NAALADL2: variants seen among roughly 807,000 people sequenced by gnomAD.
The protein encoded by NAALADL2 is N-acetylated alpha-linked acidic dipeptidase like 2, also known as inactive N-acetylated-alpha-linked acidic dipeptidase-like protein 2.
NAALADL2 carries 76 observed loss-of-function variants against 87.2 expected under a neutral mutation model. The observed-to-expected ratio is 0.87, with a 90% CI of 0.72 to 1.05. NAALADL2 has a LOEUF of 1.05. Ranked by LOEUF, NAALADL2 falls within the 50% of genes least tolerant of loss-of-function variation. NAALADL2 has a pLI of 0.00. For missense variants in NAALADL2, 1,089 were observed against 945.8 expected (o/e 1.15, Z -1.99); for synonymous variants, 354 against 331.0 (o/e 1.07, Z -0.75).
chr3:174,702,289 A>T (rs1729628444), intron 2 of NAALADL2, among the ~76,000 whole-genome samples: 1 of 152,156 alleles, frequency 6.6e-6, no homozygotes, highest in Non-Finnish European at 1.5e-5. Flanking sequence ...TTAGTATCAG[A>T]TATTACAATA....
intron 2 of NAALADL2, among the ~76,000 whole-genome samples, chr3:174,659,037 T>C (rs1725252462): frequency 6.6e-6 from 1 of 152,192 alleles, no homozygotes; most frequent in African/African-American, 2.4e-5. Context: ...CAGTTATTTG[T>C]GTAGCTTTCT....
At chr3:174,827,787 G>T (rs1722167753) in intron 3 of NAALADL2, among the ~76,000 whole-genome samples, 1 of 152,108 alleles carries the variant, frequency 6.6e-6, no homozygotes, top group Non-Finnish European at 1.5e-5. Context: ...CATGAACAAA[G>T]ACCCTACCTT....
chr3:175,513,583 G>A (rs1406614658), intron 9 of NAALADL2, among the ~76,000 whole-genome samples: 2 of 152,102 alleles, frequency 1.3e-5, no homozygotes, highest in Non-Finnish European at 2.9e-5. Flanking sequence ...AGTAATTGAT[G>A]AATATATGTA....
In NAALADL2 at chr3:175,217,546, G is replaced by A. The variant is rs77336267; in HGVS notation, c.546-16385G>A. On this transcript the variant is annotated intron_variant, in intron 2 of 13. Coordinates refer to ENST00000454872, the MANE Select transcript of NAALADL2 (RefSeq NM_207015.3). ...ATAGTCTGCCGGGCATCCACGAGAA[G>A]TAATACTAAAGGTGGCAATTACCAG... 3.1e-3 allele frequency among the ~76,000 whole-genome samples: 471 copies of A among 152,284 alleles called. 4 individuals carry two copies. Among genetic ancestry groups the A allele is most frequent in the African/African-American group, 0.01 (417 of 41,558 alleles).
intron 5 of NAALADL2, among the ~76,000 whole-genome samples, chr3:175,384,557 G>C (rs552516941): frequency 6.6e-6 from 1 of 151,730 alleles, no homozygotes; most frequent in East Asian, 1.9e-4. Context: ...TACACTTTAG[G>C]CTTATATTTT....
intron 5 of NAALADL2, among the ~76,000 whole-genome samples, chr3:175,364,884 A>G (rs1765389109): frequency 6.8e-6 from 1 of 147,768 alleles, no homozygotes; most frequent in South Asian, 2.2e-4. Flanking sequence ...TTGGAAGAAG[A>G]GTCAAACTGA....
chr3:174,934,838 T>C (rs995821912), intron 1 of NAALADL2, among the ~76,000 whole-genome samples: 1 of 152,004 alleles, frequency 6.6e-6, no homozygotes, highest in Non-Finnish European at 1.5e-5. Context: ...GATATTATGA[T>C]AGAGGAATTA....
At chr3:175,174,833 CAT>C (rs1735458781) in intron 2 of NAALADL2, among the ~76,000 whole-genome samples, 1 of 68,800 alleles carries the variant, frequency 1.5e-5, no homozygotes, top group Non-Finnish European at 3.9e-5. Flanking sequence ...TACACACACA[CAT>C]GCACACAGAC....
chr3:174,642,240 C>A (rs534105400), intron 2 of NAALADL2, among the ~76,000 whole-genome samples: 1 of 151,890 alleles, frequency 6.6e-6, no homozygotes, highest in Non-Finnish European at 1.5e-5. Flanking sequence ...GTGGCTCACA[C>A]CTGTAATCCC....
At position 175,570,457 on chromosome 3, in the gene NAALADL2, T is replaced by C. The variant is rs988196382; in HGVS notation, c.1654-5584T>C. ...CACACTGCCCTATAGCAAGAAATCA[T>C]TTTTTTAACATCATTGGTGTCATTG... On this transcript the variant is annotated intron_variant, in intron 9 of 13. Coordinates refer to ENST00000454872, the MANE Select transcript of NAALADL2 (RefSeq NM_207015.3). Among the ~76,000 whole-genome samples, 5 of 152,184 alleles carry C rather than the reference T, an allele frequency of 3.3e-5. No individual in the cohort carries two copies. In the South Asian group the frequency reaches 8.3e-4, roughly 25 times the overall value.
intron 9 of NAALADL2, among the ~76,000 whole-genome samples, chr3:175,570,815 G>A (rs540849433): frequency 6.7e-6 from 1 of 149,214 alleles, no homozygotes; most frequent in Non-Finnish European, 1.5e-5. Flanking sequence ...AGGGGGCAGA[G>A]CTTGCAGTGA....
chr3:175,446,714 C>A (rs754294231), intron 5 of NAALADL2, among the ~76,000 whole-genome samples: 4 of 152,184 alleles, frequency 2.6e-5, no homozygotes, highest in Non-Finnish European at 5.9e-5. Flanking sequence ...ATCAAATCCT[C>A]CTGTTTCTGG....
At chr3:175,222,623 A>G (rs529167510) in intron 2 of NAALADL2, among the ~76,000 whole-genome samples, 9 of 152,298 alleles carry the variant, frequency 5.9e-5, no homozygotes, top group African/African-American at 1.9e-4. Context: ...GAAATGGAGC[A>G]GTGGTTCTCA....
chr3:174,823,122 T>C (rs938421827), intron 3 of NAALADL2, among the ~76,000 whole-genome samples: 3 of 152,204 alleles, frequency 2.0e-5, no homozygotes, highest in African/African-American at 4.8e-5. Context: ...TGGAAGAATT[T>C]ACTGTCATCA....
intron 11 of NAALADL2, among the ~76,000 whole-genome samples, chr3:175,659,878 G>A (rs953170844): frequency 6.6e-6 from 1 of 152,118 alleles, no homozygotes; most frequent in South Asian, 2.1e-4. Context: ...ACTGAATTCG[G>A]TTTTCAGTTG....
At chr3:174,476,670 C>T (rs1027614598) in intron 1 of NAALADL2, among the ~76,000 whole-genome samples, 6 of 151,864 alleles carry the variant, frequency 4.0e-5, no homozygotes, top group African/African-American at 1.5e-4. Flanking sequence ...TATAGAAATG[C>T]TAAGGTTAAT....
At position 175,722,530 on chromosome 3, in the gene NAALADL2, C is replaced by T. The variant is rs931247698; in HGVS notation, c.1897-14776C>T. Reference sequence around the variant, plus strand: ...TGAATTCTTGCTACCCCTACAAAGACGTTGTTAGCAATTTATCATAACGAA... The same window carrying T: ...TGAATTCTTGCTACCCCTACAAAGATGTTGTTAGCAATTTATCATAACGAA... On this transcript the variant is annotated intron_variant, in intron 11 of 13. Coordinates refer to ENST00000454872, the MANE Select transcript of NAALADL2 (RefSeq NM_207015.3). Among the ~76,000 whole-genome samples the T allele has an allele frequency of 2.6e-5, 4 of 152,052 alleles. No homozygotes were observed. The East Asian group carries it at 5.8e-4, about 22-fold the overall frequency.
At chr3:174,454,283 A>G (rs1449997800) in intron 1 of NAALADL2, among the ~76,000 whole-genome samples, 1 of 152,184 alleles carries the variant, frequency 6.6e-6, no homozygotes, top group East Asian at 1.9e-4. Context: ...ACTCCCACAC[A>G]ATAATAAGGG....
rs576637292 is a variant in NAALADL2 at position 175,188,463 on chromosome 3, T to A, written c.546-45468T>A. On this transcript the variant is annotated intron_variant, in intron 2 of 13. Coordinates refer to ENST00000454872, the MANE Select transcript of NAALADL2 (RefSeq NM_207015.3). The stretch of plus-strand genomic sequence containing the variant: ...CTGAGTTGATGTGATGCACTTTCCC[T>A]TGAGGAACTGGAATCTTGGGCAGCT... 3.3e-5 allele frequency among the ~76,000 whole-genome samples: 5 copies of A among 152,246 alleles called. No homozygotes were observed. In the East Asian group the frequency reaches 7.7e-4, roughly 24 times the overall value.
Sources: gnomAD v4.1 joint callset for allele counts (sites outside exome capture counted in the v4.1 genomes callset) on GRCh38, gnomAD v4.1.1 for gene constraint, MANE v1.5 for transcripts, NCBI Gene and HGNC (gene_info 2026-07-23, HGNC 2026-07-21) for gene names.